GRM7: variants seen among roughly 807,000 people sequenced by gnomAD.
GRM7 encodes the protein glutamate metabotropic receptor 7.
In GRM7, 35 loss-of-function variants were observed where a neutral mutation model predicts 84.5. That is an observed-to-expected ratio of 0.41 (90% CI 0.32 to 0.55). GRM7 has a LOEUF of 0.55. Ranked by LOEUF, GRM7 falls within the 20% of genes least tolerant of loss-of-function variation. The probability of loss-of-function intolerance (pLI) is 0.19; values close to 1 mark genes in which losing one functional copy is unlikely to be tolerated. For synonymous variants in GRM7, 487 were observed against 455.1 expected (o/e 1.07, Z -0.89); for missense variants, 1,003 against 1,194.6 (o/e 0.84, Z 2.36).
intron 9 of GRM7, chr3:7,681,290 C>T (rs1700357165): frequency 6.6e-6 from 1 of 152,170 alleles, no homozygotes; most frequent in Non-Finnish European, 1.5e-5. Flanking sequence ...CAGTTAGAAG[C>T]TGATCTTGGT....
chr3:7,058,073 T>G (rs1697294001), intron 1 of GRM7, among the ~76,000 whole-genome samples: 1 of 151,956 alleles, frequency 6.6e-6, no homozygotes, highest in Non-Finnish European at 1.5e-5. Context: ...TATAAACACA[T>G]GCAGAATTTT....
intron 4 of GRM7, among the ~76,000 whole-genome samples, chr3:7,367,558 C>A (rs1458377025): frequency 1.3e-5 from 2 of 151,620 alleles, no homozygotes; most frequent in African/African-American, 2.4e-5. Flanking sequence ...CTCTTATTTT[C>A]TTTATACCAA....
At chr3:7,712,020 C>T (rs1319661396) in intron 9 of GRM7, among the ~76,000 whole-genome samples, 3 of 152,156 alleles carry the variant, frequency 2.0e-5, no homozygotes, top group Admixed American at 6.5e-5. Context: ...CAGCAGACTG[C>T]GCTGTACCCA....
chr3:7,322,043 CT>C (rs927499402), intron 4 of GRM7, among the ~76,000 whole-genome samples: 3 of 151,906 alleles, frequency 2.0e-5, no homozygotes, highest in African/African-American at 7.3e-5. Flanking sequence ...ACAGGATTCC[CT>C]TGAAATTAGT....
At chr3:7,493,996 G>A (rs1388920672) in intron 7 of GRM7, among the ~76,000 whole-genome samples, 1 of 151,898 alleles carries the variant, frequency 6.6e-6, no homozygotes, top group Non-Finnish European at 1.5e-5. Context: ...GTGTCAGATG[G>A]TGTTACCATT....
intron 4 of GRM7, among the ~76,000 whole-genome samples, chr3:7,370,140 C>G (rs1402025407): frequency 6.6e-6 from 1 of 152,108 alleles, no homozygotes; most frequent in Admixed American, 6.6e-5. Flanking sequence ...AATTAGCTTT[C>G]TCAGAATACT....
At chr3:7,393,551 C>T (rs902750979) in intron 4 of GRM7, among the ~76,000 whole-genome samples, 1 of 152,166 alleles carries the variant, frequency 6.6e-6, no homozygotes, top group African/African-American at 2.4e-5. Flanking sequence ...TGTCTTTTCT[C>T]TGGTGAATCT....
intron 8 of GRM7, among the ~76,000 whole-genome samples, chr3:7,588,517 C>T (rs937501620): frequency 6.6e-6 from 1 of 151,976 alleles, no homozygotes; most frequent in African/African-American, 2.4e-5. Flanking sequence ...CAAGGAGGGC[C>T]CCTGTGGAAT....
chr3:6,911,985 T>C (rs1696787136), intron 1 of GRM7, among the ~76,000 whole-genome samples: 2 of 152,134 alleles, frequency 1.3e-5, no homozygotes, highest in Admixed American at 6.6e-5. Flanking sequence ...CTTTGAAGAT[T>C]GATTACACTT....
At chr3:7,292,671 A>T (rs1052179798) in intron 2 of GRM7, among the ~76,000 whole-genome samples, 5 of 151,674 alleles carry the variant, frequency 3.3e-5, no homozygotes. Flanking sequence ...GGAGAATTGG[A>T]TGTGGGTATT....
At chr3:6,890,379 A>G (rs1695884521) in intron 1 of GRM7, among the ~76,000 whole-genome samples, 1 of 151,478 alleles carries the variant, frequency 6.6e-6, no homozygotes, top group Admixed American at 6.6e-5. Context: ...AATGCTATAA[A>G]TTTCTCTCTA....
At chr3:7,687,871 G>C (rs768271336) in intron 9 of GRM7, among the ~76,000 whole-genome samples, 1 of 151,962 alleles carries the variant, frequency 6.6e-6, no homozygotes, top group Non-Finnish European at 1.5e-5. Context: ...CCAGTAACTC[G>C]GTCTTTAATT....
chr3:7,521,731 A>T (rs375647562), intron 7 of GRM7, among the ~76,000 whole-genome samples: 1 of 152,092 alleles, frequency 6.6e-6, no homozygotes, highest in Non-Finnish European at 1.5e-5. Flanking sequence ...TCACCAAGGG[A>T]TATTCTCAGG....
intron 4 of GRM7, among the ~76,000 whole-genome samples, chr3:7,339,803 A>G (rs1701569966): frequency 6.6e-6 from 1 of 152,108 alleles, no homozygotes; most frequent in African/African-American, 2.4e-5. Flanking sequence ...TCCTAAATGG[A>G]TGGTTGAATT....
At chr3:7,565,012 A>G (rs1472772420) in intron 7 of GRM7, among the ~76,000 whole-genome samples, 1 of 152,204 alleles carries the variant, frequency 6.6e-6, no homozygotes, top group Non-Finnish European at 1.5e-5. Flanking sequence ...TTTGTCCTCC[A>G]CCTAGTAACT....
chr3:7,024,736 A>G (rs1482652178), intron 1 of GRM7, among the ~76,000 whole-genome samples: 1 of 152,196 alleles, frequency 6.6e-6, no homozygotes, highest in Non-Finnish European at 1.5e-5. Flanking sequence ...ATTTTCCCGT[A>G]ACTCTAAACA....
intron 1 of GRM7, among the ~76,000 whole-genome samples, chr3:7,123,489 C>T (rs1190848963): frequency 3.9e-5 from 6 of 152,064 alleles, no homozygotes; most frequent in Admixed American, 6.6e-5. Flanking sequence ...TGTGGTGGCT[C>T]GCGCTTGTAA....
intron 1 of GRM7, among the ~76,000 whole-genome samples, chr3:7,100,526 T>G (rs1156346958): frequency 1.3e-5 from 2 of 151,850 alleles, no homozygotes; most frequent in Non-Finnish European, 2.9e-5. Flanking sequence ...CCTGCACAGT[T>G]TAATGTTAAT....
chr3:7,392,093 C>T (rs1250846210), intron 4 of GRM7, among the ~76,000 whole-genome samples: 1 of 152,182 alleles, frequency 6.6e-6, no homozygotes, highest in East Asian at 1.9e-4. Context: ...GCTATCCCCT[C>T]CTTTGGTGTG....
Sources: gnomAD v4.1 joint callset for allele counts (sites outside exome capture counted in the v4.1 genomes callset) on GRCh38, gnomAD v4.1.1 for gene constraint, MANE v1.5 for transcripts, NCBI Gene and HGNC (gene_info 2026-07-23, HGNC 2026-07-21) for gene names.